RTTN: variants seen among roughly 807,000 people sequenced by gnomAD.
The protein encoded by RTTN is rotatin.
A neutral mutation model predicts 269.2 loss-of-function variants in RTTN; 182 were observed. The ratio of observed to expected loss-of-function variants is 0.68; its 90% CI spans 0.60 to 0.76. The LOEUF (loss-of-function observed/expected upper bound fraction) is 0.76, where lower values mean the gene tolerates loss of function less well. Ranked by LOEUF, RTTN falls within the 30% of genes least tolerant of loss-of-function variation. The probability of loss-of-function intolerance (pLI) is 0.00; values close to 1 mark genes in which losing one functional copy is unlikely to be tolerated. For synonymous variants in RTTN, 1,006 were observed against 963.5 expected (o/e 1.04, Z -0.82); for missense variants, 2,545 against 2,608.6 (o/e 0.98, Z 0.53).
intron 27 of RTTN, among the ~76,000 whole-genome samples, chr18:70,113,940 G>A (rs1426993700): frequency 6.6e-6 from 1 of 152,136 alleles, no homozygotes; most frequent in Non-Finnish European, 1.5e-5. Flanking sequence ...CTCTTGGGGT[G>A]ATGATAAAGT....
intron 33 of RTTN, chr18:70,074,981 A>C (rs1242701499): frequency 1.3e-5 from 2 of 153,142 alleles, no homozygotes; most frequent in Non-Finnish European, 2.9e-5. Context: ...GTTCCAAAAA[A>C]GTTTGAGACG....
intron 8 of RTTN, among the ~76,000 whole-genome samples, chr18:70,192,092 G>A (rs2061685444): frequency 6.6e-6 from 1 of 152,086 alleles, no homozygotes; most frequent in African/African-American, 2.4e-5. Flanking sequence ...TAATACTAAT[G>A]CTATATATAA....
intron 28 of RTTN, among the ~76,000 whole-genome samples, chr18:70,094,220 A>C (rs1348940252): frequency 6.6e-6 from 1 of 151,852 alleles, no homozygotes; most frequent in African/African-American, 2.4e-5. Context: ...TGGTCTATCT[A>C]TTTTGTTGAT....
At chr18:70,083,930 G>A in intron 32 of RTTN, among the ~76,000 whole-genome samples, 1 of 149,520 alleles carries the variant, frequency 6.7e-6, no homozygotes. Flanking sequence ...AGTACATACA[G>A]AAAAAGTCAC....
At chr18:70,205,378 C>T (rs2062050835) in intron 1 of RTTN, 63 bp from the exon 2 acceptor site, 2 of 1,589,342 alleles carry the variant, frequency 1.3e-6, no homozygotes, top group East Asian at 2.2e-5. Context: ...GTTATTTATG[C>T]TGTGGGCAGG....
intron 14 of RTTN, among the ~76,000 whole-genome samples, chr18:70,161,938 GA>G (rs2060842763): frequency 6.6e-6 from 1 of 152,182 alleles, no homozygotes; most frequent in East Asian, 1.9e-4. Context: ...AGTCACTGTG[GA>G]AAACAGTTTG....
intron 40 of RTTN, among the ~76,000 whole-genome samples, chr18:70,044,408 T>C (rs1324989557): frequency 6.6e-6 from 1 of 152,242 alleles, no homozygotes; most frequent in African/African-American, 2.4e-5. Context: ...GAGATTTTTA[T>C]TGATCTTGTT....
intron 27 of RTTN, among the ~76,000 whole-genome samples, chr18:70,112,044 C>T (rs1342103850): frequency 6.6e-6 from 1 of 152,130 alleles, no homozygotes; most frequent in Non-Finnish European, 1.5e-5. Flanking sequence ...AATTTCATAT[C>T]CAGCCAAACT....
chr18:70,153,397 C>T (rs915599391), intron 14 of RTTN, among the ~76,000 whole-genome samples: 4 of 152,072 alleles, frequency 2.6e-5, no homozygotes, highest in Admixed American at 6.6e-5. Flanking sequence ...TATAAGCTCT[C>T]TGATAAGGCT....
At chr18:70,077,096 G>C (rs919204841) in intron 32 of RTTN, among the ~76,000 whole-genome samples, 1 of 151,766 alleles carries the variant, frequency 6.6e-6, no homozygotes, top group Non-Finnish European at 1.5e-5. Flanking sequence ...ATTGTAGAGG[G>C]TTTACTAGCT....
At chr18:70,183,718 G>A (rs569419055) in intron 10 of RTTN, among the ~76,000 whole-genome samples, 5 of 152,196 alleles carry the variant, frequency 3.3e-5, no homozygotes, top group Non-Finnish European at 5.9e-5. Context: ...GGCTCCCGAC[G>A]TTGCCAAACA....
At chr18:70,151,149 T>C (rs1026609695) in intron 14 of RTTN, among the ~76,000 whole-genome samples, 10 of 148,060 alleles carry the variant, frequency 6.8e-5, no homozygotes, top group African/African-American at 2.0e-4. Flanking sequence ...ATATACTATA[T>C]ATATTTATAT....
intron 37 of RTTN, among the ~76,000 whole-genome samples, chr18:70,054,770 G>A (rs1476628534): frequency 2.6e-5 from 4 of 151,918 alleles, no homozygotes; most frequent in East Asian, 3.9e-4. Flanking sequence ...AGTGAGCTGT[G>A]ATCACACCAC....
chr18:70,059,374 T>C (rs2057910712), intron 36 of RTTN, among the ~76,000 whole-genome samples: 1 of 152,230 alleles, frequency 6.6e-6, no homozygotes, highest in South Asian at 2.1e-4. Flanking sequence ...TTTCTTTGAA[T>C]TTAATTTCCC....
intron 11 of RTTN, among the ~76,000 whole-genome samples, chr18:70,175,045 CAAAAAAA>C (rs5825998): frequency 8.1e-5 from 7 of 86,858 alleles, no homozygotes; most frequent in African/African-American, 2.8e-4. Context: ...AAACCAAAAC[CAAAAAAA>C]AAAAAAAAAA....
At chr18:70,018,730 GAC>G (rs2056613621) in intron 45 of RTTN, among the ~76,000 whole-genome samples, 2 of 151,254 alleles carry the variant, frequency 1.3e-5, no homozygotes, top group Admixed American at 6.6e-5. Context: ...CAGCCAAACT[GAC>G]AGTTTTTAGA....
Position 70,167,035 on chromosome 18 carries a change from C to G in RTTN, c.1690-4G>C. The stretch of plus-strand genomic sequence containing the variant: ...ATTCTAAGAGATTCTTCTCTCCCTA[C>G]AAAAGAAGCAGAATGGAACAATAAA... On this transcript the variant is annotated splice_region_variant and splice_polypyrimidine_tract_variant and intron_variant, in intron 12 of 48. Transcript: ENST00000640769. 1 of 1,582,516 alleles carries G rather than the reference C, an allele frequency of 6.3e-7. No homozygotes were observed. The highest frequency in any genetic ancestry group is 8.7e-7 in the Non-Finnish European group (1 of 1,152,244).
At chr18:70,205,562 C>G in intron 1 of RTTN, 66 bp downstream of exon 1, 3 of 1,599,556 alleles carry the variant, frequency 1.9e-6, no homozygotes, top group Non-Finnish European at 2.6e-6. Flanking sequence ...AAACGTGACA[C>G]GACCATTCTC....
Position 70,098,273 on chromosome 18 carries a change from C to A in RTTN, c.3904-5469G>T, listed in dbSNP as rs182619484. ...AAAAGTTAGAAAGATCTCAAATTAACAACTTAACATCACAACTGAAAGAAT... is the reference window on the plus strand; with the variant it reads ...AAAAGTTAGAAAGATCTCAAATTAAAAACTTAACATCACAACTGAAAGAAT... On this transcript the variant is annotated intron_variant, in intron 28 of 48. Transcript: ENST00000640769. Among the ~76,000 whole-genome samples, 132 of 152,192 alleles carry A rather than the reference C, an allele frequency of 8.7e-4. 1 individual carries two copies. In the Middle Eastern group the frequency reaches 0.024, roughly 27 times the overall value.
Sources: gnomAD v4.1 joint callset for allele counts (sites outside exome capture counted in the v4.1 genomes callset) on GRCh38, gnomAD v4.1.1 for gene constraint, MANE v1.5 for transcripts, NCBI Gene and HGNC (gene_info 2026-07-23, HGNC 2026-07-21) for gene names.